Variants in CTPS2 observed in about 807,000 individuals in gnomAD.
CTPS2 encodes CTP synthase 2.
A neutral mutation model predicts 46.8 loss-of-function variants in CTPS2; 19 were observed. The ratio of observed to expected loss-of-function variants is 0.41; its 90% CI spans 0.28 to 0.60. The LOEUF is 0.60. Ranked by LOEUF, CTPS2 falls within the 20% of genes least tolerant of loss-of-function variation. The pLI is 0.35. For missense variants in CTPS2, 286 were observed against 447.6 expected (o/e 0.64, Z 3.26); for synonymous variants, 151 against 165.2 (o/e 0.91, Z 0.66).
chrX:16,599,409 C>T (rs1040042391), intron 17 of CTPS2, among the ~76,000 whole-genome samples: 1 of 110,847 alleles, frequency 9.0e-6, no homozygotes, highest in African/African-American at 3.3e-5. Context: ...AGAGGAATCA[C>T]TATACTGACA....
At chrX:16,641,303 A>C (rs1419244953) in intron 13 of CTPS2, among the ~76,000 whole-genome samples, 1 of 112,410 alleles carries the variant, frequency 8.9e-6, no homozygotes, top group African/African-American at 3.2e-5. Flanking sequence ...ATAGAAGTGC[A>C]CTACGACTCT....
At chrX:16,592,615 C>T (rs1424387942) in intron 17 of CTPS2, among the ~76,000 whole-genome samples, 1 of 111,123 alleles carries the variant, frequency 9.0e-6, no homozygotes, top group East Asian at 2.8e-4. Flanking sequence ...AGGACTAAGA[C>T]GTGCATATTG....
At chrX:16,654,596 G>T in intron 13 of CTPS2, 1 of 471,326 alleles carries the variant, frequency 2.1e-6, no homozygotes, top group Non-Finnish European at 3.5e-6. Flanking sequence ...CAAAGTCTCT[G>T]GTTTAATTCT....
At chrX:16,690,771 T>C (rs1476675652) in intron 7 of CTPS2, among the ~76,000 whole-genome samples, 3 of 112,017 alleles carry the variant, frequency 2.7e-5, no homozygotes, top group Non-Finnish European at 5.6e-5. Flanking sequence ...TGGAAAGCCC[T>C]ACAGAGCAGA....
chrX:16,632,221 G>A (rs926718572), intron 14 of CTPS2, among the ~76,000 whole-genome samples: 1 of 111,397 alleles, frequency 9.0e-6, no homozygotes, highest in Non-Finnish European at 1.9e-5. Context: ...AGGATTGCTG[G>A]AGGCCAGGAG....
chrX:16,694,397 G>T (rs1923950288), intron 4 of CTPS2, among the ~76,000 whole-genome samples: 2 of 110,790 alleles, frequency 1.8e-5, no homozygotes, highest in South Asian at 7.6e-4. Context: ...TCCTTGGAGG[G>T]CGGACTCTGA....
chrX:16,619,898 T>C (rs1235656800), intron 15 of CTPS2, among the ~76,000 whole-genome samples: 1 of 111,213 alleles, frequency 9.0e-6, no homozygotes, highest in Non-Finnish European at 1.9e-5. Flanking sequence ...CTTGGTTCCT[T>C]CTCAGAAGAT....
At chrX:16,590,544 T>G (rs764980871) in intron 18 of CTPS2, among the ~76,000 whole-genome samples, 1 of 111,623 alleles carries the variant, frequency 9.0e-6, no homozygotes, top group South Asian at 3.8e-4. Context: ...CTTATATTTT[T>G]TTTTTCCTGG....
At chrX:16,641,464 G>A (rs1205712088) in intron 13 of CTPS2, among the ~76,000 whole-genome samples, 1 of 112,628 alleles carries the variant, frequency 8.9e-6, no homozygotes, top group Non-Finnish European at 1.9e-5. Context: ...CTAAGAACAG[G>A]AGGCCAGGTG....
rs772286081 is a variant in CTPS2 at position 16,693,464 on chromosome X, G to A, written c.462C>T (p.Ile154=). 4.0e-4 allele frequency: 486 copies of A among 1,202,746 alleles called. 4 individuals are homozygous for A. The highest frequency in any genetic ancestry group is 3.9e-3 in the South Asian group (221 of 56,315). Residue 154 remains isoleucine (I), a synonymous_variant, in exon 5 of 19, where the codon ATC becomes ATT. Transcript: ENST00000359276. The part of the protein sequence containing the change: ...VIELGGTIGD[I]EGMPFVEAFR... ...ACGCCTCCACAAACGGCATTCCTTC[G>A]ATGTCTCCAATGGTGCCTCCCAGCT... is the stretch of plus-strand genomic sequence containing the variant.
chrX:16,675,349 A>T (rs1047558168), intron 10 of CTPS2, among the ~76,000 whole-genome samples: 1 of 111,272 alleles, frequency 9.0e-6, no homozygotes, highest in Non-Finnish European at 1.9e-5. Flanking sequence ...AATTGGATAG[A>T]TTTATCTATA....
At position 16,683,118 on chromosome X, in the gene CTPS2, G is replaced by A; in HGVS notation, c.981C>T (p.Ala327=). 4 of 1,211,531 alleles carry A rather than the reference G, an allele frequency of 3.3e-6. No homozygotes were observed. The highest frequency in any genetic ancestry group is 1.7e-5 in the African/African-American group (1 of 57,812). The change falls in exon 9 of 19, where the codon GCC becomes GCT. Residue 327 remains alanine, a synonymous_variant. Transcript: ENST00000359276. ...VFKALEHSAL[A]INHKLNLMYI... is the part of the protein sequence containing the mutation. ...CCATCAGATTCAACTTGTGGTTGAT[G>A]GCCAGGGCTGAGTGTTCCAGGGCTT...
At chrX:16,590,930 A>G in intron 17 of CTPS2, 68 bp from the exon 18 acceptor site, 10 of 759,929 alleles carry the variant, frequency 1.3e-5, no homozygotes, top group Non-Finnish European at 2.0e-5. Context: ...TCAATTTGCA[A>G]TTTCAAACAC....
At chrX:16,612,284 C>T (rs1040083406) in intron 16 of CTPS2, among the ~76,000 whole-genome samples, 1 of 111,875 alleles carries the variant, frequency 8.9e-6, no homozygotes, top group African/African-American at 3.2e-5. Flanking sequence ...AGTGGAGATT[C>T]GTGGATATGT....
intron 13 of CTPS2, chrX:16,651,185 G>T: frequency 9.8e-7 from 1 of 1,017,117 alleles, no homozygotes; most frequent in South Asian, 2.0e-5. Flanking sequence ...ACTGATGGTG[G>T]GAGGGGAGGG....
chrX:16,712,114 C>T (rs1453844802), intron 1 of CTPS2: 1 of 111,714 alleles, frequency 9.0e-6, no homozygotes, highest in Non-Finnish European at 1.9e-5. Context: ...TTCCCCAGTC[C>T]CCGCGCCACA....
At chrX:16,612,645 C>T (rs1050943297) in intron 16 of CTPS2, among the ~76,000 whole-genome samples, 1 of 112,273 alleles carries the variant, frequency 8.9e-6, no homozygotes, top group African/African-American at 3.2e-5. Context: ...GCATTTCCAT[C>T]AGAAAGACTC....
intron 1 of CTPS2, among the ~76,000 whole-genome samples, chrX:16,704,862 C>G (rs1055455761): frequency 6.5e-5 from 7 of 108,050 alleles, no homozygotes; most frequent in African/African-American, 2.5e-4. Flanking sequence ...AAGAGAGAAT[C>G]GCTTGAACCT....
intron 13 of CTPS2, among the ~76,000 whole-genome samples, chrX:16,664,076 T>C (rs1410298589): frequency 8.9e-6 from 1 of 111,974 alleles, no homozygotes; most frequent in Non-Finnish European, 1.9e-5. Flanking sequence ...GACCTTGTGA[T>C]CTGCCCGCCT....
Sources: gnomAD v4.1 joint callset for allele counts (sites outside exome capture counted in the v4.1 genomes callset) on GRCh38, gnomAD v4.1.1 for gene constraint, MANE v1.5 for transcripts, NCBI Gene and HGNC (gene_info 2026-07-23, HGNC 2026-07-21) for gene names.